The following SEMA6C variants were observed in gnomAD, a reference collection of about 807,000 sequenced individuals.
SEMA6C encodes semaphorin 6C.
SEMA6C carries 37 observed loss-of-function variants against 72.9 expected under a neutral mutation model. The observed-to-expected ratio is 0.51, with a 90% CI of 0.39 to 0.67. The LOEUF is 0.67. Ranked by LOEUF, SEMA6C falls within the 30% of genes least tolerant of loss-of-function variation. SEMA6C has a pLI of 0.00. For synonymous variants in SEMA6C, 578 were observed against 554.1 expected (o/e 1.04, Z -0.61); for missense variants, 1,189 against 1,263.6 (o/e 0.94, Z 0.89).
chr1:151,134,040 C>T, intron 18 of SEMA6C: 1 of 1,525,018 alleles, frequency 6.6e-7, no homozygotes, highest in Non-Finnish European at 8.8e-7. Context: ...AGGGGAAGGG[C>T]CAGGACCCGG....
intron 5 of SEMA6C, 60 bp from the exon 6 acceptor site, chr1:151,139,541 G>A (rs919026963): frequency 1.2e-6 from 2 of 1,601,434 alleles, no homozygotes; most frequent in Admixed American, 3.3e-5. Flanking sequence ...CTCACATTAT[G>A]GCTCCTTTTA....
In SEMA6C at chr1:151,133,837, G is replaced by A. The variant is rs1025529582; in HGVS notation, c.1760-320C>T. The A allele has an allele frequency of 1.3e-4, 122 of 972,572 alleles. No homozygotes were observed. The highest frequency in any genetic ancestry group is 1.7e-4 in the Non-Finnish European group (113 of 654,274). The allele number at this position is 972,572 out of a possible 1,614,324, so 60.2% of individuals were successfully genotyped here. On this transcript the variant is annotated intron_variant, in intron 18 of 18. Coordinates refer to ENST00000368914, the MANE Select transcript of SEMA6C (RefSeq NM_030913.6). This position sits in a 1 kb window ranked among gnomAD's most constrained non-coding sequence, Gnocchi z 5.9. ...ACTCGGGGCTGGGATGCCCAATTCT[G>A]GGGAAGGGAGGCTCCAAACAGGCGT...
At chr1:151,140,621 A>G (rs1354093495) in intron 3 of SEMA6C, among the ~76,000 whole-genome samples, 1 of 152,084 alleles carries the variant, frequency 6.6e-6, no homozygotes, top group African/African-American at 2.4e-5. Flanking sequence ...TCCAGCATCC[A>G]CCTGGCCTGA....
At chr1:151,134,377 T>C (rs1376760498) in intron 18 of SEMA6C, 24 bp downstream of exon 18, 1 of 1,569,236 alleles carries the variant, frequency 6.4e-7, no homozygotes, top group Admixed American at 1.9e-5. Flanking sequence ...CAAGGGAAGG[T>C]GAGGTTGGGA....
intron 3 of SEMA6C, among the ~76,000 whole-genome samples, chr1:151,141,526 C>A (rs1682551111): frequency 1.3e-5 from 2 of 152,126 alleles, no homozygotes; most frequent in Non-Finnish European, 2.9e-5. Flanking sequence ...TCTCCTGCCT[C>A]AGCCACCCAA....
In SEMA6C at chr1:151,135,474, C is replaced by A. The variant is rs587675609; in HGVS notation, c.1433+117G>T. On this transcript the variant is annotated intron_variant, in intron 14 of 18. Coordinates refer to ENST00000368914, the MANE Select transcript of SEMA6C (RefSeq NM_030913.6). ...GTCTTCTCGCCAAGCCTGTCTAGCCCAGAGCTCCCACCCTGCAAAAGCCAA... is the reference window on the plus strand; with the variant it reads ...GTCTTCTCGCCAAGCCTGTCTAGCCAAGAGCTCCCACCCTGCAAAAGCCAA... 2.7e-6 allele frequency: 4 copies of A among 1,456,144 alleles called. No homozygotes were observed. The African/African-American group carries it at 4.2e-5, about 15-fold the overall frequency. 90.2% of individuals were successfully genotyped at this position (1,456,144 alleles called of 1,614,324 possible).
intron 18 of SEMA6C, 116 bp downstream of exon 18, chr1:151,134,285 G>A (rs764678562): frequency 1.5e-4 from 157 of 1,060,908 alleles, no homozygotes; most frequent in South Asian, 1.3e-3. Flanking sequence ...GGAGGATGCC[G>A]ACCCTTTTCC....
rs1284579328 is a variant in SEMA6C, at chr1:151,146,429, T to G, written c.-105+4A>C. The stretch of plus-strand genomic sequence containing the variant: ...GCAGCCCCTTCCCTGCCCGGGGTAC[T>G]TGCTCCAGGATTCGGGTCAGCGGGA... On this transcript the variant is annotated splice_donor_region_variant and intron_variant, in intron 1 of 18. Transcript: ENST00000368914. This position sits in a 1 kb window ranked among gnomAD's most constrained non-coding sequence, Gnocchi z 4.6. 6.6e-6 allele frequency: 1 copy of G among 152,254 alleles called. No homozygotes were observed. The highest frequency in any genetic ancestry group is 1.5e-5 in the Non-Finnish European group (1 of 68,114). 9.4% of individuals were successfully genotyped at this position (152,254 alleles called of 1,614,324 possible). A position where few individuals can be genotyped will look rare whatever the true frequency, so the allele number is the denominator to read the frequency against.
chr1:151,135,562 G>A (rs1335396904), intron 14 of SEMA6C, 29 bp downstream of exon 14: 1 of 1,592,708 alleles, frequency 6.3e-7, no homozygotes, highest in Admixed American at 1.8e-5. Flanking sequence ...TCCCTGCTTT[G>A]CAGGGGGCCT....
At chr1:151,134,961 A>T in intron 15 of SEMA6C, 86 bp from the exon 16 acceptor site, 2 of 1,411,810 alleles carry the variant, frequency 1.4e-6, no homozygotes, top group Non-Finnish European at 2.0e-6. Flanking sequence ...CCTGGCTTAC[A>T]GGAGGCTCCC....
At position 151,139,649 on chromosome 1, in the gene SEMA6C, C is replaced by G; in HGVS notation, c.286G>C (p.Val96Leu). 6.2e-7 allele frequency: 1 copy of G among 1,607,262 alleles called. No individual in the cohort carries two copies. Among genetic ancestry groups the G allele is most frequent in the Non-Finnish European group, 8.5e-7 (1 of 1,174,882 alleles). ...LQAEEEGEGL[V>L]PNKYLTWRSQ... The stretch of plus-strand genomic sequence containing the variant: ...ACACAGCCCCTCACCTTGTTGGGCA[C>G]CAGCCCCTCCCCTTCTTCTTCGGCT... Residue 96 changes from valine (V) to leucine (L), a missense_variant, in exon 5 of 19, where the codon GTG (valine) becomes CTG (leucine). Transcript: ENST00000368914.
rs763302647 is a variant in SEMA6C at position 151,136,551 on chromosome 1, A to G, written c.1003T>C (p.Tyr335His). ...SIPGSAVCAFYLDEIERGFEG... is the reference protein window; with the variant it reads ...SIPGSAVCAFHLDEIERGFEG... Reference sequence around the variant, plus strand: ...AACCCACGCTCAATCTCATCCAGGTAGAAGGCGCAGACGGCAGAGCCAGGG... The same window carrying G: ...AACCCACGCTCAATCTCATCCAGGTGGAAGGCGCAGACGGCAGAGCCAGGG... Residue 335 changes from tyrosine (Y) to histidine (H), a missense_variant, in exon 12 of 19, where the codon TAC becomes CAC. This residue lies in a region of SEMA6C where 468 missense variants were observed against 577.4 expected (regional missense o/e 0.81). Coordinates refer to ENST00000368914, the MANE Select transcript of SEMA6C (RefSeq NM_030913.6). The G allele has an allele frequency of 6.2e-7, 1 of 1,614,144 alleles. No homozygotes were observed. The highest frequency in any genetic ancestry group is 1.7e-5 in the Admixed American group (1 of 60,030).
rs1241018678 is a variant in SEMA6C, at chr1:151,132,775, C to T, written c.2502G>A (p.Arg834=). 440 of 1,404,328 alleles carry T rather than the reference C, an allele frequency of 3.1e-4. 3 individuals are homozygous for T. Among genetic ancestry groups the T allele is most frequent in the Non-Finnish European group, 2.7e-5 (29 of 1,076,804 alleles). 87.0% of individuals were successfully genotyped at this position (1,404,328 alleles called of 1,614,324 possible). A position where few individuals can be genotyped will look rare whatever the true frequency, so the allele number is the denominator to read the frequency against. The change falls in exon 19 of 19, where the codon CGG becomes CGA. Residue 834 remains arginine (R), a synonymous_variant. Coordinates refer to ENST00000368914, the MANE Select transcript of SEMA6C (RefSeq NM_030913.6). ...PEGRCASAPA[R]PALSAPAPRL... ...GGGGAGCGGGGGCGGAGAGCGCGGG[C>T]CGGGCGGGGGCAGAGGCGCACCTGC...
rs1333073932 is a variant in SEMA6C at position 151,133,359 on chromosome 1, T to G, written c.1918A>C (p.Ile640Leu). 1 of 1,600,208 alleles carries G rather than the reference T, an allele frequency of 6.2e-7. No individual in the cohort carries two copies. The highest frequency in any genetic ancestry group is 8.5e-7 in the Non-Finnish European group (1 of 1,175,762). ...RRAHRRRGKD[I>L]ETPGLPRPLS... ...GGGCGCGGGAGCCCCGGAGTCTCGA[T>G]GTCCTTGCCCCGACGTCGGTGGGCG... The change falls in exon 19 of 19, where the codon ATC becomes CTC. Residue 640 changes from isoleucine (I) to leucine (L), a missense_variant. Transcript: ENST00000368914. This position sits in a 1 kb window ranked among gnomAD's most constrained non-coding sequence, Gnocchi z 5.9.
At chr1:151,136,620 A>T (rs1256124549) in intron 11 of SEMA6C, 41 bp from the exon 12 acceptor site, 1 of 1,610,762 alleles carries the variant, frequency 6.2e-7, no homozygotes, top group South Asian at 1.1e-5. Context: ...TGCTGAAAGG[A>T]ACTGCACAAC....
chr1:151,134,138 G>T, intron 18 of SEMA6C: 1 of 1,054,790 alleles, frequency 9.5e-7, no homozygotes, highest in Non-Finnish European at 1.4e-6. Flanking sequence ...CCTCCCTCCT[G>T]TGGAACCCAG....
chr1:151,133,109 T>C lies in SEMA6C; in HGVS notation c.2168A>G (p.Gln723Arg). 7 of 1,567,042 alleles carry C rather than the reference T, an allele frequency of 4.5e-6. No individual in the cohort carries two copies. The highest frequency in any genetic ancestry group is 1.4e-5 in the African/African-American group (1 of 71,514). Residue 723 changes from glutamine to arginine, a missense_variant, in exon 19 of 19, where the codon CAG (glutamine) becomes CGG (arginine). By Grantham distance (43) the Gln-to-Arg change is conservative. Coordinates refer to ENST00000368914, the MANE Select transcript of SEMA6C (RefSeq NM_030913.6). The surrounding 1 kb of genome is among the most constrained non-coding windows in gnomAD (Gnocchi z 5.9). ...ACCCTCCTTGGCGTTGTTCCTGTTCTGGTTCCACTCCCAGGGGTCCCCGGC... is the reference window on the plus strand; with the variant it reads ...ACCCTCCTTGGCGTTGTTCCTGTTCCGGTTCCACTCCCAGGGGTCCCCGGC... ...RAAGDPWEWN[Q>R]NRNNAKEGPG...
At chr1:151,135,472 C>T in intron 14 of SEMA6C, 119 bp downstream of exon 14, 2 of 1,449,750 alleles carry the variant, frequency 1.4e-6, no homozygotes, top group Admixed American at 4.1e-5. Flanking sequence ...GCCTGTCTAG[C>T]CCAGAGCTCC....
chr1:151,133,587 G>A lies in SEMA6C; in HGVS notation c.1760-70C>T, dbSNP rs1355515629. 17 of 1,438,388 alleles carry A rather than the reference G, an allele frequency of 1.2e-5. No individual in the cohort carries two copies. The highest frequency in any genetic ancestry group is 1.5e-5 in the Non-Finnish European group (16 of 1,100,778). The allele number at this position is 1,438,388 out of a possible 1,614,324, so 89.1% of individuals were successfully genotyped here. A position where few individuals can be genotyped will look rare whatever the true frequency, so the allele number is the denominator to read the frequency against. On this transcript the variant is annotated intron_variant, in intron 18 of 18. Coordinates refer to ENST00000368914, the MANE Select transcript of SEMA6C (RefSeq NM_030913.6). This position sits in a 1 kb window ranked among gnomAD's most constrained non-coding sequence, Gnocchi z 5.9. ...GTGCGGGGTACCTAGGCCCAGAGGC[G>A]CCGGCAGTTCCCAGGCCTGACATCA...
Sources: gnomAD v4.1 joint callset for allele counts (sites outside exome capture counted in the v4.1 genomes callset) on GRCh38, gnomAD v4.1.1 for gene constraint, gnomAD v4.1.1 regional missense constraint, Gnocchi (gnomAD v3.1) non-coding constraint, MANE v1.5 for transcripts, NCBI Gene and HGNC (gene_info 2026-07-23, HGNC 2026-07-21) for gene names.